Variants in HLTF observed in about 807,000 individuals in gnomAD.
The protein encoded by HLTF is DNA-dependent ATPase/E3 ubiquitin-protein ligase HLTF.
Under a neutral mutation model 129.4 loss-of-function variants are expected in HLTF, and 127 were observed. The observed-to-expected ratio is 0.98, with a 90% CI of 0.85 to 1.14. The LOEUF is 1.14. Among genes scored for constraint, HLTF ranks in the 50% most tolerant of loss-of-function variants. The probability of loss-of-function intolerance (pLI) is 0.00; values close to 1 mark genes in which losing one functional copy is unlikely to be tolerated. For synonymous variants in HLTF, 332 were observed against 388.8 expected (o/e 0.85, Z 1.72); for missense variants, 1,139 against 1,187.1 (o/e 0.96, Z 0.60).
chr3:149,045,354 A>G (rs1716455616), intron 18 of HLTF, among the ~76,000 whole-genome samples: 1 of 152,106 alleles, frequency 6.6e-6, no homozygotes, highest in African/African-American at 2.4e-5. Context: ...TTATTCCTTA[A>G]AACTTAATCA....
chr3:149,044,368 T>G (rs908777527), intron 18 of HLTF, among the ~76,000 whole-genome samples: 2 of 152,158 alleles, frequency 1.3e-5, no homozygotes, highest in African/African-American at 4.8e-5. Context: ...ACACTAATTA[T>G]TCCCTGGCAT....
chr3:149,052,565 C>T (rs1194753719), intron 14 of HLTF, among the ~76,000 whole-genome samples: 1 of 152,060 alleles, frequency 6.6e-6, no homozygotes, highest in African/African-American at 2.4e-5. Flanking sequence ...TTGTACATGG[C>T]AATATTGAAG....
intron 18 of HLTF, among the ~76,000 whole-genome samples, chr3:149,043,684 T>C (rs1716315128): frequency 6.6e-6 from 1 of 152,022 alleles, no homozygotes; most frequent in African/African-American, 2.4e-5. Context: ...GATATTTAAG[T>C]ATTTTAAGGC....
At chr3:149,038,933 T>C (rs1715875359) in intron 23 of HLTF, 116 bp downstream of exon 23, 1 of 569,872 alleles carries the variant, frequency 1.8e-6, no homozygotes, top group South Asian at 3.5e-5. Context: ...TTTCTAAAGT[T>C]TGCCTAAGAA....
At chr3:149,035,953 G>A (rs977863349) in intron 23 of HLTF, among the ~76,000 whole-genome samples, 1 of 151,726 alleles carries the variant, frequency 6.6e-6, no homozygotes, top group Non-Finnish European at 1.5e-5. Flanking sequence ...GGCTAACACG[G>A]TGAAACCCCA....
chr3:149,033,669 A>G (rs1417670030), intron 24 of HLTF, among the ~76,000 whole-genome samples: 2 of 150,816 alleles, frequency 1.3e-5, no homozygotes, highest in Admixed American at 7.0e-5. Flanking sequence ...ATTTTCAAAG[A>G]AAAAAAATGA....
At chr3:149,062,957 C>T (rs950675110) in intron 10 of HLTF, 2 of 407,810 alleles carry the variant, frequency 4.9e-6, no homozygotes, top group Non-Finnish European at 9.8e-6. Flanking sequence ...AATGAGAATA[C>T]TCTATCTGCC....
chr3:149,084,211 T>A (rs1408481601), intron 2 of HLTF, among the ~76,000 whole-genome samples: 1 of 151,986 alleles, frequency 6.6e-6, no homozygotes, highest in Non-Finnish European at 1.5e-5. Flanking sequence ...CAAAAAACAA[T>A]TTGAAACGTT....
chr3:149,039,803 A>C, intron 21 of HLTF, 110 bp from the exon 22 acceptor site: 1 of 687,490 alleles, frequency 1.5e-6, no homozygotes, highest in Non-Finnish European at 2.3e-6. Context: ...CCTAAAATGC[A>C]AAAGACTACT....
chr3:149,032,198 G>C lies in HLTF; in HGVS notation c.*22C>G. The stretch of plus-strand genomic sequence containing the variant: ...TAAAACTTAAGTATCCAATCAAACT[G>C]ACCTTACTAAAATCCCACAAATTAT... On this transcript the variant is annotated 3_prime_UTR_variant, in exon 25 of 25. Coordinates refer to ENST00000310053, the MANE Select transcript of HLTF (RefSeq NM_003071.4). 1 of 1,525,006 alleles carries C rather than the reference G, an allele frequency of 6.6e-7. No individual in the cohort carries two copies. Among genetic ancestry groups the C allele is most frequent in the Non-Finnish European group, 8.8e-7 (1 of 1,135,456 alleles). The allele number at this position is 1,525,006 out of a possible 1,614,324, so 94.5% of individuals were successfully genotyped here. A position where few individuals can be genotyped will look rare whatever the true frequency, so the allele number is the denominator to read the frequency against.
At chr3:149,032,978 C>A (rs6792312) in intron 24 of HLTF, among the ~76,000 whole-genome samples, 2,719 of 61,528 alleles carry the variant, frequency 0.044, 94 homozygotes, top group African/African-American at 0.17. Flanking sequence ...AAAAAAAAAA[C>A]AAAAAACTAT....
intron 3 of HLTF, among the ~76,000 whole-genome samples, chr3:149,075,625 T>C (rs1489106571): frequency 6.6e-6 from 1 of 152,230 alleles, no homozygotes; most frequent in Non-Finnish European, 1.5e-5. Flanking sequence ...AGAAATGGAA[T>C]GTACTTCCTA....
chr3:149,057,372 G>A (rs779867510), intron 13 of HLTF, among the ~76,000 whole-genome samples: 1 of 152,096 alleles, frequency 6.6e-6, no homozygotes, highest in Non-Finnish European at 1.5e-5. Flanking sequence ...GTTGCAGTGC[G>A]CCGTGATCGC....
At chr3:149,045,798 T>C (rs1716499942) in intron 18 of HLTF, among the ~76,000 whole-genome samples, 1 of 152,314 alleles carries the variant, frequency 6.6e-6, no homozygotes, top group African/African-American at 2.4e-5. Flanking sequence ...TTCCATACGA[T>C]TTTGGAAATA....
At position 149,035,644 on chromosome 3, in the gene HLTF, G is replaced by A. The variant is rs1235708719; in HGVS notation, c.2797-646C>T. On this transcript the variant is annotated intron_variant, in intron 23 of 24. Coordinates refer to ENST00000310053, the MANE Select transcript of HLTF (RefSeq NM_003071.4). Reference sequence around the variant, plus strand: ...ACTGCACTCCAGACTGGGCGACAGCGAGACTCCGTCTCAAAAAAAAAAAAA... The same window carrying A: ...ACTGCACTCCAGACTGGGCGACAGCAAGACTCCGTCTCAAAAAAAAAAAAA... Among the ~76,000 whole-genome samples the A allele has an allele frequency of 8.8e-5, 9 of 102,268 alleles. No homozygotes were observed. In the South Asian group the frequency reaches 1.1e-3, roughly 12 times the overall value. The allele number at this position is 102,268 out of a possible 152,430, so 67.1% of individuals were successfully genotyped here. A position where few individuals can be genotyped will look rare whatever the true frequency, so the allele number is the denominator to read the frequency against.
At chr3:149,065,738 G>T (rs920670070) in intron 8 of HLTF, among the ~76,000 whole-genome samples, 2 of 152,142 alleles carry the variant, frequency 1.3e-5, no homozygotes, top group Admixed American at 6.5e-5. Flanking sequence ...GCTGAGGCAG[G>T]AGAATTGCTT....
chr3:149,033,014 T>TATAA (rs1715264977), intron 24 of HLTF, among the ~76,000 whole-genome samples: 2 of 151,416 alleles, frequency 1.3e-5, no homozygotes, highest in South Asian at 2.1e-4. Flanking sequence ...AATGAATCTT[T>TATAA]AGTATAATTC....
chr3:149,048,998 T>C lies in HLTF; in HGVS notation c.1621A>G (p.Lys541Glu), dbSNP rs372432234. The change falls in exon 16 of 25, where the codon AAA becomes GAA. Residue 541 changes from lysine (K) to glutamate (E), a missense_variant. Physicochemically the swap from Lys to Glu is moderately conservative, Grantham distance 56. Transcript: ENST00000310053. ...ATGCTATGTAATGGACTATCTCCTT[T>C]AGTCTGAAATAAATGTTTTATATGA... ...YNILTHDYGT[K>E]GDSPLHSIRW... 13 of 1,590,546 alleles carry C rather than the reference T, an allele frequency of 8.2e-6. No homozygotes were observed. The highest frequency in any genetic ancestry group is 9.5e-6 in the Non-Finnish European group (11 of 1,162,552).
intron 19 of HLTF, 45 bp from the exon 20 acceptor site, chr3:149,041,713 T>C: frequency 7.5e-7 from 1 of 1,341,826 alleles, no homozygotes; most frequent in Non-Finnish European, 1.1e-6. Flanking sequence ...AGGTTTGTAA[T>C]ATGACAAGTT....
Sources: gnomAD v4.1 joint callset for allele counts (sites outside exome capture counted in the v4.1 genomes callset) on GRCh38, gnomAD v4.1.1 for gene constraint, MANE v1.5 for transcripts, NCBI Gene and HGNC (gene_info 2026-07-23, HGNC 2026-07-21) for gene names.